MBD5: variants seen among roughly 807,000 people sequenced by gnomAD.
The protein encoded by MBD5 is methyl-CpG-binding domain protein 5.
MBD5 carries 13 observed loss-of-function variants against 117.3 expected under a neutral mutation model. The observed-to-expected ratio is 0.11, with a 90% CI of 0.07 to 0.18. MBD5 has a LOEUF of 0.18. Among genes scored for constraint, MBD5 ranks in the 10% least tolerant of loss-of-function variants. The pLI is 1.00. For synonymous variants in MBD5, 727 were observed against 766.4 expected (o/e 0.95, Z 0.85); for missense variants, 1,879 against 2,093.8 (o/e 0.90, Z 2.00).
At chr2:148,239,886 C>T (rs1011587468) in intron 3 of MBD5, among the ~76,000 whole-genome samples, 3 of 152,056 alleles carry the variant, frequency 2.0e-5, no homozygotes, top group East Asian at 1.9e-4. Flanking sequence ...TTTGTAGAAA[C>T]GGGGTCTTGC....
rs1298703614 is a variant in MBD5, at chr2:148,258,213, GT to G, written c.-680+24821del. Among the ~76,000 whole-genome samples the G allele has an allele frequency of 2.0e-5, 3 of 152,282 alleles. 1 individual carries two copies. The highest frequency in any genetic ancestry group is 2.0e-4 in the Admixed American group (3 of 15,302). ...TCGGAGTCTGAATTCCCTGGCTGTA[GT>G]TTGTAATGCCAAGCCATGTAAAATG... is the stretch of plus-strand genomic sequence containing the variant. On this transcript the variant is annotated intron_variant, in intron 3 of 13. Transcript: ENST00000642680.
intron 2 of MBD5, among the ~76,000 whole-genome samples, chr2:148,200,650 G>A (rs892816566): frequency 1.4e-5 from 2 of 146,706 alleles, no homozygotes; most frequent in Admixed American, 6.9e-5. Context: ...CCGATATCAC[G>A]CCACTTCGCT....
intron 3 of MBD5, among the ~76,000 whole-genome samples, chr2:148,331,811 C>G (rs1218880185): frequency 6.6e-6 from 1 of 151,822 alleles, no homozygotes; most frequent in Non-Finnish European, 1.5e-5. Context: ...AAAAAAAATA[C>G]CCTAAGCAAA....
chr2:148,477,402 G>A (rs569330778), intron 8 of MBD5, among the ~76,000 whole-genome samples: 4 of 152,138 alleles, frequency 2.6e-5, no homozygotes, highest in African/African-American at 9.6e-5. Context: ...GAACAAAGTA[G>A]CCTCTAGTCC....
intron 1 of MBD5, among the ~76,000 whole-genome samples, chr2:148,130,734 A>G (rs1325714250): frequency 2.0e-5 from 3 of 152,328 alleles, no homozygotes; most frequent in African/African-American, 7.2e-5. Flanking sequence ...AGTCCCAAGG[A>G]TGGATCTGCC....
intron 1 of MBD5, among the ~76,000 whole-genome samples, chr2:148,042,963 TG>T (rs1333790949): frequency 5.9e-5 from 9 of 152,116 alleles, no homozygotes; most frequent in African/African-American, 2.2e-4. Context: ...TCATTAGATT[TG>T]GGGGGTAGGA....
At chr2:148,480,034 AAG>A (rs1419886592) in intron 8 of MBD5, among the ~76,000 whole-genome samples, 1 of 152,080 alleles carries the variant, frequency 6.6e-6, no homozygotes, top group Admixed American at 6.6e-5. Flanking sequence ...TCCTTTAGGA[AAG>A]AACAAGGGTT....
intron 1 of MBD5, among the ~76,000 whole-genome samples, chr2:148,094,240 A>C (rs1696008685): frequency 1.3e-5 from 2 of 152,164 alleles, no homozygotes; most frequent in Non-Finnish European, 2.9e-5. Flanking sequence ...TGTAGTGCTC[A>C]TTATTTGTAC....
At chr2:148,288,622 A>G (rs1339977220) in intron 3 of MBD5, among the ~76,000 whole-genome samples, 1 of 151,920 alleles carries the variant, frequency 6.6e-6, no homozygotes, top group Non-Finnish European at 1.5e-5. Flanking sequence ...ACAAATACAT[A>G]CCAAGGGAAA....
At chr2:148,341,851 T>A (rs1053963874) in intron 3 of MBD5, among the ~76,000 whole-genome samples, 1 of 151,728 alleles carries the variant, frequency 6.6e-6, no homozygotes, top group Non-Finnish European at 1.5e-5. Flanking sequence ...TGAATAAATA[T>A]CAAATAAAAA....
intron 1 of MBD5, among the ~76,000 whole-genome samples, chr2:148,154,701 G>T (rs945098180): frequency 3.3e-5 from 5 of 152,166 alleles, no homozygotes; most frequent in Non-Finnish European, 5.9e-5. Flanking sequence ...TTTTCCAGGT[G>T]TGTCCGTCAC....
intron 1 of MBD5, among the ~76,000 whole-genome samples, chr2:148,029,999 C>T (rs1038407809): frequency 6.6e-5 from 10 of 152,136 alleles, no homozygotes; most frequent in Middle Eastern, 3.4e-3. Context: ...GGGCCAGGTG[C>T]GGTGGCTCAT....
chr2:148,437,292 AT>A (rs978141198), intron 4 of MBD5, among the ~76,000 whole-genome samples: 1 of 151,990 alleles, frequency 6.6e-6, no homozygotes, highest in African/African-American at 2.4e-5. Context: ...ATATGTTTTT[AT>A]TTTTAAGTTT....
chr2:148,493,723 G>A lies in MBD5; in HGVS notation c.4962+3129G>A. 1.3e-5 allele frequency among the ~76,000 whole-genome samples: 2 copies of A among 152,166 alleles called. 1 individual carries two copies. The highest frequency in any genetic ancestry group is 1.3e-4 in the Admixed American group (2 of 15,286). On this transcript the variant is annotated intron_variant, in intron 11 of 13. Coordinates refer to ENST00000642680, the MANE Select transcript of MBD5 (RefSeq NM_001378120.1). ...CTTAGAAAGGCCTTTTTGGTCTTTG[G>A]TGGGATAGTAAATGTAGCAGATTAT...
intron 4 of MBD5, among the ~76,000 whole-genome samples, 198 bp downstream of exon 4, chr2:148,342,534 A>T (rs1463785115): frequency 6.6e-6 from 1 of 151,960 alleles, no homozygotes; most frequent in South Asian, 2.1e-4. Context: ...CTATTTTTTA[A>T]AAAAAAGAAT....
intron 13 of MBD5, among the ~76,000 whole-genome samples, chr2:148,512,438 CA>C (rs1476201702): frequency 2.0e-5 from 3 of 152,068 alleles, no homozygotes; most frequent in African/African-American, 7.2e-5. Context: ...AGTAGGGTAA[CA>C]AAGTGAGGGA....
At chr2:148,440,603 T>G (rs1234182932) in intron 4 of MBD5, among the ~76,000 whole-genome samples, 1 of 152,196 alleles carries the variant, frequency 6.6e-6, no homozygotes, top group Non-Finnish European at 1.5e-5. Flanking sequence ...TTTTTAGTAT[T>G]TTGAAAGGAG....
chr2:148,186,670 T>C (rs766231485), intron 2 of MBD5, among the ~76,000 whole-genome samples: 1 of 152,218 alleles, frequency 6.6e-6, no homozygotes, highest in Non-Finnish European at 1.5e-5. Flanking sequence ...CCTTATAGTT[T>C]TTAACCAACT....
chr2:148,276,723 A>T (rs527637976), intron 3 of MBD5, among the ~76,000 whole-genome samples: 1 of 152,262 alleles, frequency 6.6e-6, no homozygotes, highest in South Asian at 2.1e-4. Flanking sequence ...GCCTTTAGTT[A>T]TCATGTAAGA....
Sources: gnomAD v4.1 joint callset for allele counts (sites outside exome capture counted in the v4.1 genomes callset) on GRCh38, gnomAD v4.1.1 for gene constraint, MANE v1.5 for transcripts, NCBI Gene and HGNC (gene_info 2026-07-23, HGNC 2026-07-21) for gene names.